The following PCDH15 variants were observed in gnomAD, a reference collection of about 807,000 sequenced individuals.
PCDH15 encodes the protein protocadherin related 15, also known as protocadherin-15.
In PCDH15, 129 loss-of-function variants were observed where a neutral mutation model predicts 178.5. The observed-to-expected ratio is 0.72, with a 90% CI of 0.63 to 0.84. The LOEUF (loss-of-function observed/expected upper bound fraction) is 0.84, where lower values mean the gene tolerates loss of function less well. Among genes scored for constraint, PCDH15 ranks in the 40% least tolerant of loss-of-function variants. The pLI is 0.00. For synonymous variants in PCDH15, 800 were observed against 732.0 expected (o/e 1.09, Z -1.50); for missense variants, 2,230 against 2,099.9 (o/e 1.06, Z -1.21).
intron 1 of PCDH15, among the ~76,000 whole-genome samples, chr10:55,269,012 A>G (rs1842371211): frequency 6.6e-6 from 1 of 152,160 alleles, no homozygotes; most frequent in African/African-American, 2.4e-5. Context: ...TTCACCACAT[A>G]AACAGAATTA....
intron 3 of PCDH15, among the ~76,000 whole-genome samples, chr10:54,428,879 G>A (rs1432581216): frequency 6.6e-6 from 1 of 152,160 alleles, no homozygotes; most frequent in Non-Finnish European, 1.5e-5. Flanking sequence ...GAGCATGAAA[G>A]AGAAATAAAG....
chr10:55,295,653 C>A (rs1455776656), intron 1 of PCDH15, among the ~76,000 whole-genome samples: 2 of 152,162 alleles, frequency 1.3e-5, no homozygotes, highest in African/African-American at 4.8e-5. Flanking sequence ...TTCACTCCTT[C>A]TTTTAACTTA....
At chr10:54,854,297 G>C (rs956891743) in intron 3 of PCDH15, among the ~76,000 whole-genome samples, 13 of 152,134 alleles carry the variant, frequency 8.5e-5, no homozygotes, top group African/African-American at 2.4e-4. Flanking sequence ...GGCTCCCAGA[G>C]GGCTGCAACT....
At chr10:54,575,445 T>C (rs979320229) in intron 2 of PCDH15, among the ~76,000 whole-genome samples, 2 of 152,150 alleles carry the variant, frequency 1.3e-5, no homozygotes, top group Non-Finnish European at 2.9e-5. Context: ...AAAATTGGCT[T>C]CAATATTTGG....
At chr10:55,263,194 C>A (rs916286180) in intron 1 of PCDH15, among the ~76,000 whole-genome samples, 1 of 152,148 alleles carries the variant, frequency 6.6e-6, no homozygotes, top group Non-Finnish European at 1.5e-5. Flanking sequence ...CTCTCTTTCC[C>A]TTCACGAAGT....
chr10:54,610,709 T>C (rs2092933356), intron 2 of PCDH15, among the ~76,000 whole-genome samples: 1 of 151,690 alleles, frequency 6.6e-6, no homozygotes, highest in African/African-American at 2.4e-5. Flanking sequence ...TCTATAATAA[T>C]AAAAATAATA....
chr10:54,388,819 C>T (rs137952305), intron 3 of PCDH15, among the ~76,000 whole-genome samples: 1 of 152,300 alleles, frequency 6.6e-6, no homozygotes, highest in African/African-American at 2.4e-5. Flanking sequence ...CTACAGACAA[C>T]ACAAATCCAT....
intron 3 of PCDH15, among the ~76,000 whole-genome samples, chr10:54,420,897 G>A (rs1955182310): frequency 6.6e-6 from 1 of 152,050 alleles, no homozygotes. Flanking sequence ...TGGGGCATGA[G>A]TAGACTTCAG....
intron 1 of PCDH15, among the ~76,000 whole-genome samples, chr10:55,180,716 T>A (rs1488729907): frequency 2.0e-5 from 3 of 152,142 alleles, no homozygotes; most frequent in Non-Finnish European, 2.9e-5. Context: ...TTTGCCTTCA[T>A]GGCAAAAATA....
At chr10:55,099,131 T>C (rs1462534900) in intron 2 of PCDH15, among the ~76,000 whole-genome samples, 3 of 152,076 alleles carry the variant, frequency 2.0e-5, no homozygotes, top group Non-Finnish European at 1.5e-5. Context: ...TGAAGAGATG[T>C]TGCTCACGCT....
chr10:54,891,629 T>G (rs1954464318), intron 3 of PCDH15, among the ~76,000 whole-genome samples: 1 of 152,158 alleles, frequency 6.6e-6, no homozygotes, highest in South Asian at 2.1e-4. Flanking sequence ...TCTGAAAGCC[T>G]CATCAAAGTA....
intron 2 of PCDH15, among the ~76,000 whole-genome samples, chr10:55,575,290 C>T (rs1016870989): frequency 1.9e-4 from 29 of 152,160 alleles, no homozygotes; most frequent in Admixed American, 1.7e-3. Context: ...GGACTTAAGG[C>T]CCATCCTTAC....
chr10:54,469,344 G>A (rs527321607), intron 3 of PCDH15, among the ~76,000 whole-genome samples: 17 of 152,188 alleles, frequency 1.1e-4, no homozygotes, highest in East Asian at 1.9e-4. Flanking sequence ...TAATCTGCCC[G>A]CCTCAGCCTC....
chr10:54,378,697 T>C, intron 4 of PCDH15, 85 bp downstream of exon 4: 2 of 1,430,822 alleles, frequency 1.4e-6, no homozygotes, highest in Admixed American at 3.5e-5. Flanking sequence ...ATTATGTAAA[T>C]AATTCAATAT....
intron 2 of PCDH15, among the ~76,000 whole-genome samples, chr10:55,468,681 T>C (rs533769539): frequency 1.4e-4 from 21 of 152,344 alleles, no homozygotes; most frequent in African/African-American, 4.3e-4. Context: ...TAGTCTTTAG[T>C]GATAACATAA....
At chr10:54,919,239 T>C (rs1268798986) in intron 2 of PCDH15, among the ~76,000 whole-genome samples, 3 of 152,298 alleles carry the variant, frequency 2.0e-5, no homozygotes, top group African/African-American at 7.2e-5. Context: ...TGTGATATTA[T>C]TTAAGCATCC....
chr10:55,536,474 A>T (rs1443086790), intron 2 of PCDH15, among the ~76,000 whole-genome samples: 2 of 152,092 alleles, frequency 1.3e-5, no homozygotes, highest in Non-Finnish European at 2.9e-5. Flanking sequence ...CTACTGAAAA[A>T]TTGAATATTA....
At chr10:55,508,348 A>C (rs2132148106) in intron 2 of PCDH15, among the ~76,000 whole-genome samples, 1 of 151,930 alleles carries the variant, frequency 6.6e-6, no homozygotes, top group Admixed American at 6.6e-5. Context: ...AACTAACACA[A>C]GAATCCTATG....
chr10:53,934,001 G>A (rs985186875), intron 25 of PCDH15, among the ~76,000 whole-genome samples: 9 of 152,078 alleles, frequency 5.9e-5, no homozygotes, highest in East Asian at 1.9e-4. Context: ...CATGTCCTTC[G>A]CCCACTTTTT....
Sources: allele counts gnomAD v4.1 joint callset (sites outside exome capture counted in the v4.1 genomes callset), GRCh38; gene constraint gnomAD v4.1.1; transcripts MANE v1.5; gene names NCBI Gene and HGNC (gene_info 2026-07-23, HGNC 2026-07-21).